SRRM4: variants seen among roughly 807,000 people sequenced by gnomAD.
SRRM4 encodes the protein serine/arginine repetitive matrix 4.
A neutral mutation model predicts 68.9 loss-of-function variants in SRRM4; 33 were observed. That is an observed-to-expected ratio of 0.48 (90% CI 0.36 to 0.64). The LOEUF (loss-of-function observed/expected upper bound fraction) is 0.64, where lower values mean the gene tolerates loss of function less well. Ranked by LOEUF, SRRM4 falls within the 30% of genes least tolerant of loss-of-function variation. The pLI, the probability that SRRM4 is intolerant of heterozygous loss-of-function variation, is 0.00. For missense variants in SRRM4, 817 were observed against 827.1 expected (o/e 0.99, Z 0.15); for synonymous variants, 318 against 318.8 (o/e 1.00, Z 0.03).
chr12:119,090,956 C>A (rs945230836), intron 1 of SRRM4, among the ~76,000 whole-genome samples: 2 of 152,242 alleles, frequency 1.3e-5, no homozygotes, highest in African/African-American at 4.8e-5. Context: ...CTTTATCTCA[C>A]TTCTTGCTGT....
chr12:119,090,391 A>G (rs1355030423), intron 1 of SRRM4, among the ~76,000 whole-genome samples: 1 of 152,176 alleles, frequency 6.6e-6, no homozygotes, highest in Non-Finnish European at 1.5e-5. Flanking sequence ...GAAAGCTAAG[A>G]AAAGATATAG....
chr12:119,086,852 C>T (rs1953982466), intron 1 of SRRM4, among the ~76,000 whole-genome samples: 1 of 152,218 alleles, frequency 6.6e-6, no homozygotes, highest in Non-Finnish European at 1.5e-5. Context: ...AAGGATCTCA[C>T]TCAGCAGTGT....
chr12:119,083,942 G>A (rs979251108), intron 1 of SRRM4, among the ~76,000 whole-genome samples: 5 of 152,222 alleles, frequency 3.3e-5, no homozygotes, highest in Non-Finnish European at 7.3e-5. Context: ...ACAAGACGTA[G>A]AATTTGGGGT....
At position 118,999,182 on chromosome 12, in the gene SRRM4, A is replaced by G. The variant is rs1248423501; in HGVS notation, c.131+17169A>G. Reference sequence around the variant, plus strand: ...CTGCTGATTCCTAGGATACCAGGCTATGCAGGCACATTTCATGGTACCATC... The same window carrying G: ...CTGCTGATTCCTAGGATACCAGGCTGTGCAGGCACATTTCATGGTACCATC... On this transcript the variant is annotated intron_variant, in intron 1 of 12. Coordinates refer to ENST00000267260, the MANE Select transcript of SRRM4 (RefSeq NM_194286.4). 4.6e-5 allele frequency among the ~76,000 whole-genome samples: 7 copies of G among 152,208 alleles called. No individual in the cohort carries two copies. In the East Asian group the frequency reaches 1.3e-3, roughly 29 times the overall value.
chr12:119,060,705 T>C (rs1953806644), intron 1 of SRRM4, among the ~76,000 whole-genome samples: 1 of 152,128 alleles, frequency 6.6e-6, no homozygotes, highest in Non-Finnish European at 1.5e-5. Context: ...ATTCTATCTT[T>C]AGCCCTGGAG....
chr12:119,105,026 G>T (rs1954098486), intron 2 of SRRM4, among the ~76,000 whole-genome samples: 1 of 132,632 alleles, frequency 7.5e-6, no homozygotes, highest in African/African-American at 2.9e-5. Context: ...GTGTCCAAGT[G>T]TTCTCATTGT....
intron 8 of SRRM4, among the ~76,000 whole-genome samples, chr12:119,137,468 C>A (rs114276579): frequency 6.6e-6 from 1 of 152,006 alleles, no homozygotes; most frequent in East Asian, 1.9e-4. Context: ...GAGAGAGACT[C>A]CCAGTGAAAC....
intron 1 of SRRM4, among the ~76,000 whole-genome samples, chr12:118,983,555 G>T (rs1953263566): frequency 1.3e-5 from 2 of 152,204 alleles, no homozygotes; most frequent in African/African-American, 4.8e-5. Flanking sequence ...CCTACTGTTG[G>T]CTAATCAGGT....
At chr12:119,145,009 T>G (rs1410611522) in intron 8 of SRRM4, among the ~76,000 whole-genome samples, 1 of 152,182 alleles carries the variant, frequency 6.6e-6, no homozygotes, top group African/African-American at 2.4e-5. Context: ...TCCCTTCCTT[T>G]ATTTTTTATT....
intron 7 of SRRM4, 90 bp from the exon 8 acceptor site, chr12:119,130,588 T>G (rs1439691089): frequency 1.5e-6 from 2 of 1,324,240 alleles, no homozygotes; most frequent in African/African-American, 2.9e-5. Context: ...CAAACACACT[T>G]TATCATCCTC....
At chr12:119,111,393 T>C (rs924748425) in intron 2 of SRRM4, among the ~76,000 whole-genome samples, 1 of 152,198 alleles carries the variant, frequency 6.6e-6, no homozygotes, top group Non-Finnish European at 1.5e-5. Context: ...ACACCTCAAA[T>C]GTCTCCAAAT....
At chr12:118,998,453 C>A (rs375246764) in intron 1 of SRRM4, among the ~76,000 whole-genome samples, 66 of 152,206 alleles carry the variant, frequency 4.3e-4, no homozygotes, top group South Asian at 1.0e-3. Flanking sequence ...GAGGTTGTAG[C>A]ATGCATACTA....
intron 2 of SRRM4, among the ~76,000 whole-genome samples, chr12:119,108,802 A>G (rs1954124535): frequency 1.3e-5 from 2 of 151,994 alleles, no homozygotes; most frequent in Admixed American, 1.3e-4. Context: ...TTTTAATTGG[A>G]GCATTTAGCC....
At chr12:119,027,483 T>A (rs1953556698) in intron 1 of SRRM4, among the ~76,000 whole-genome samples, 1 of 152,196 alleles carries the variant, frequency 6.6e-6, no homozygotes, top group Admixed American at 6.5e-5. Flanking sequence ...TAATCTTATC[T>A]TTTAAGATAT....
rs1954488512 is a variant in SRRM4, at chr12:119,158,575, C to G, written c.*1777C>G. The G allele has an allele frequency of 6.6e-6, 1 of 152,382 alleles. No individual in the cohort carries two copies. The highest frequency in any genetic ancestry group is 2.4e-5 in the African/African-American group (1 of 41,478). 9.4% of individuals were successfully genotyped at this position (152,382 alleles called of 1,614,324 possible). On this transcript the variant is annotated 3_prime_UTR_variant, in exon 13 of 13. Transcript: ENST00000267260. The stretch of plus-strand genomic sequence containing the variant: ...CGGGCCTCTGGCCCAGACCTAAGCC[C>G]TGCCCACAAAGACTAATGGATGCCA...
chr12:119,118,867 A>T lies in SRRM4; in HGVS notation c.438-1383A>T, dbSNP rs1954199389. ...GTCAGCCCAGGTCTTAGAGCTTTACAGAGTAGGGGGTTCATATGAGGGAGA... is the reference window on the plus strand; with the variant it reads ...GTCAGCCCAGGTCTTAGAGCTTTACTGAGTAGGGGGTTCATATGAGGGAGA... On this transcript the variant is annotated intron_variant, in intron 4 of 12. Coordinates refer to ENST00000267260, the MANE Select transcript of SRRM4 (RefSeq NM_194286.4). 1.3e-5 allele frequency among the ~76,000 whole-genome samples: 2 copies of T among 152,154 alleles called. 1 individual carries two copies. Among genetic ancestry groups the T allele is most frequent in the African/African-American group, 4.8e-5 (2 of 41,428 alleles).
At chr12:119,025,132 T>C (rs1022002133) in intron 1 of SRRM4, among the ~76,000 whole-genome samples, 5 of 152,082 alleles carry the variant, frequency 3.3e-5, no homozygotes, top group Admixed American at 6.6e-5. Context: ...TGTGTGTGTG[T>C]GTATTTGTGT....
chr12:119,084,289 G>A (rs1366629310), intron 1 of SRRM4, among the ~76,000 whole-genome samples: 1 of 152,176 alleles, frequency 6.6e-6, no homozygotes, highest in African/African-American at 2.4e-5. Flanking sequence ...TCTGCACCCT[G>A]GAACTGAGGA....
At chr12:119,112,559 T>C (rs1173532684) in intron 2 of SRRM4, among the ~76,000 whole-genome samples, 3 of 152,170 alleles carry the variant, frequency 2.0e-5, no homozygotes, top group Admixed American at 1.3e-4. Context: ...CAAATGCCCA[T>C]CAATGATAGG....
Sources: gnomAD v4.1 joint callset for allele counts (sites outside exome capture counted in the v4.1 genomes callset) on GRCh38, gnomAD v4.1.1 for gene constraint, MANE v1.5 for transcripts, NCBI Gene and HGNC (gene_info 2026-07-23, HGNC 2026-07-21) for gene names.